MGRN1: variants seen among roughly 807,000 people sequenced by gnomAD.
MGRN1 encodes mahogunin ring finger 1.
MGRN1 carries 29 observed loss-of-function variants against 69.2 expected under a neutral mutation model. The ratio of observed to expected loss-of-function variants is 0.42; its 90% CI spans 0.31 to 0.57. The LOEUF (loss-of-function observed/expected upper bound fraction) is 0.57. MGRN1 is among the 20% of genes least tolerant of loss of function. MGRN1 has a pLI of 0.15. For missense variants in MGRN1, 998 were observed against 796.2 expected (o/e 1.25, Z -3.05); for synonymous variants, 470 against 344.2 (o/e 1.37, Z -4.04).
chr16:4,682,756 C>G (rs2079217372), intron 13 of MGRN1, 67 bp from the exon 14 acceptor site: 5 of 1,441,374 alleles, frequency 3.5e-6, no homozygotes, highest in East Asian at 2.5e-5. Context: ...CCCTGCATGG[C>G]TTTGGCAGGG....
intron 16 of MGRN1, chr16:4,687,512 A>T (rs78107449): frequency 1.1e-5 from 10 of 934,450 alleles, no homozygotes; most frequent in Non-Finnish European, 1.1e-5. Context: ...CTGTCTCAAT[A>T]AAAAAAAATA....
At position 4,626,495 on chromosome 16, in the gene MGRN1, A is replaced by G. The variant is rs148224422; in HGVS notation, c.88+1447A>G. 3.2e-3 allele frequency among the ~76,000 whole-genome samples: 480 copies of G among 152,314 alleles called. 6 individuals are homozygous for G. Among genetic ancestry groups the G allele is most frequent in the African/African-American group, 0.011 (469 of 41,570 alleles). On this transcript the variant is annotated intron_variant, in intron 1 of 16. Coordinates refer to ENST00000262370, the MANE Select transcript of MGRN1 (RefSeq NM_015246.4). ...GTTTCCTCATCTGTAAAACGGGCTG[A>G]TGCTTATACAGCCCTCAGAACCACA...
At chr16:4,679,765 C>T (rs983710442) in intron 11 of MGRN1, among the ~76,000 whole-genome samples, 2 of 152,166 alleles carry the variant, frequency 1.3e-5, no homozygotes, top group Non-Finnish European at 2.9e-5. Flanking sequence ...ACCCAGACTG[C>T]GGGGGGACAG....
chr16:4,677,394 G>T (rs1220728744), intron 10 of MGRN1, 69 bp from the exon 11 acceptor site: 2 of 1,283,598 alleles, frequency 1.6e-6, no homozygotes, highest in East Asian at 5.5e-5. Flanking sequence ...TTGATCCCTG[G>T]GGCTGGGAGG....
At chr16:4,641,525 T>G (rs998865025) in intron 1 of MGRN1, among the ~76,000 whole-genome samples, 1 of 151,700 alleles carries the variant, frequency 6.6e-6, no homozygotes, top group African/African-American at 2.4e-5. Flanking sequence ...CTTTTTTTTT[T>G]TTTTTTTTTA....
intron 7 of MGRN1, among the ~76,000 whole-genome samples, chr16:4,667,370 G>A (rs1423155740): frequency 6.6e-6 from 1 of 152,210 alleles, no homozygotes; most frequent in African/African-American, 2.4e-5. Context: ...CACAGACTGT[G>A]GTGACACAAG....
In MGRN1 at chr16:4,668,096, G is replaced by A. The variant is rs144398046; in HGVS notation, c.679-169G>A. On this transcript the variant is annotated intron_variant, in intron 7 of 16. Coordinates refer to ENST00000262370, the MANE Select transcript of MGRN1 (RefSeq NM_015246.4). ...CTGAGGCCGTGTTTTCAGAAATCCC[G>A]GCTCTTTCGCTGTCAAGTGGCCCCA... Among the ~76,000 whole-genome samples the A allele has an allele frequency of 2.2e-3, 338 of 152,062 alleles. 9 individuals carry two copies. The East Asian group carries it at 0.057, about 26-fold the overall frequency.
intron 8 of MGRN1, 176 bp from the exon 9 acceptor site, chr16:4,671,214 TG>T: frequency 1.6e-6 from 1 of 616,468 alleles, no homozygotes; most frequent in Non-Finnish European, 2.9e-6. Flanking sequence ...TGCTGCTGGT[TG>T]GGTGGGGGCA....
intron 16 of MGRN1, chr16:4,686,592 C>A: frequency 3.2e-6 from 4 of 1,247,924 alleles, no homozygotes; most frequent in Non-Finnish European, 4.0e-6. Context: ...TGGAACAGTC[C>A]CAGCCCAGGC....
chr16:4,631,966 T>C (rs1169172337), intron 1 of MGRN1, among the ~76,000 whole-genome samples: 1 of 151,370 alleles, frequency 6.6e-6, no homozygotes, highest in African/African-American at 2.4e-5. Flanking sequence ...AATCTATTAC[T>C]GATATATTGC....
chr16:4,645,658 A>G (rs1388325479), intron 1 of MGRN1, among the ~76,000 whole-genome samples: 3 of 152,092 alleles, frequency 2.0e-5, no homozygotes, highest in Admixed American at 2.0e-4. Flanking sequence ...CCTCGTGGAG[A>G]GAGCAGCCTG....
chr16:4,640,404 G>A (rs2078132901), intron 1 of MGRN1: 1 of 152,296 alleles, frequency 6.6e-6, no homozygotes, highest in African/African-American at 2.4e-5. Context: ...CCCACGGAAG[G>A]GATTTTGCAG....
chr16:4,662,370 G>C (rs1222050196), intron 5 of MGRN1, among the ~76,000 whole-genome samples: 1 of 152,014 alleles, frequency 6.6e-6, no homozygotes, highest in East Asian at 1.9e-4. Context: ...CAAAAATTTA[G>C]CTGGGCGTGG....
intron 10 of MGRN1, 89 bp from the exon 11 acceptor site, chr16:4,677,371 TGTG>T (rs1296219543): frequency 1.1e-6 from 1 of 929,478 alleles, no homozygotes; most frequent in African/African-American, 1.7e-5. Flanking sequence ...ACCCCTATGG[TGTG>T]GGGGGGGTGT....
At chr16:4,684,448 A>G (rs1402377887) in intron 16 of MGRN1, among the ~76,000 whole-genome samples, 2 of 152,214 alleles carry the variant, frequency 1.3e-5, no homozygotes, top group African/African-American at 4.8e-5. Context: ...GCCCTGGGCC[A>G]CAGAGCGCAG....
intron 15 of MGRN1, 71 bp downstream of exon 15, chr16:4,683,340 G>C (rs2079232247): frequency 2.6e-6 from 4 of 1,560,824 alleles, no homozygotes; most frequent in Non-Finnish European, 3.5e-6. Context: ...GGGGCCTTAG[G>C]GCTCCAGGTG....
intron 2 of MGRN1, among the ~76,000 whole-genome samples, 185 bp from the exon 3 acceptor site, chr16:4,651,778 C>T (rs563829111): frequency 5.3e-5 from 8 of 152,162 alleles, no homozygotes; most frequent in African/African-American, 1.9e-4. Flanking sequence ...CTGGCCGTTG[C>T]GTGTGCTGGC....
chr16:4,664,962 G>C, intron 6 of MGRN1, 140 bp from the exon 7 acceptor site: 1 of 1,173,716 alleles, frequency 8.5e-7, no homozygotes, highest in Non-Finnish European at 1.2e-6. Context: ...AGGAGGGCAG[G>C]TCCCAGAACA....
chr16:4,665,667 CTTTTTT>C (rs35226786), intron 7 of MGRN1, among the ~76,000 whole-genome samples: 1 of 127,590 alleles, frequency 7.8e-6, no homozygotes, highest in Non-Finnish European at 1.6e-5. Flanking sequence ...CGTGCCCGGC[CTTTTTT>C]TTTTTTTTTT....
Sources: gnomAD v4.1 joint callset for allele counts (sites outside exome capture counted in the v4.1 genomes callset) on GRCh38, gnomAD v4.1.1 for gene constraint, MANE v1.5 for transcripts, NCBI Gene and HGNC (gene_info 2026-07-23, HGNC 2026-07-21) for gene names.